PSMD14: variants seen among roughly 807,000 people sequenced by gnomAD.
PSMD14 encodes the protein proteasome 26S subunit, non-ATPase 14, also known as ubiquitin C-terminal hydrolase PSMD14.
In PSMD14, 7 loss-of-function variants were observed where a neutral mutation model predicts 41.2. That is an observed-to-expected ratio of 0.17 (90% CI 0.10 to 0.32). PSMD14 has a LOEUF of 0.32. Among genes scored for constraint, PSMD14 ranks in the 10% least tolerant of loss-of-function variants. The pLI, the probability that PSMD14 is intolerant of heterozygous loss-of-function variation, is 1.00. For missense variants in PSMD14, 139 were observed against 375.6 expected, an observed-to-expected ratio of 0.37 and a Z score of 5.21; for synonymous variants, 114 against 122.3, an observed-to-expected ratio of 0.93 and a Z score of 0.45.
chr2:161,405,498 G>A (rs951535652), intron 10 of PSMD14, among the ~76,000 whole-genome samples: 3 of 152,146 alleles, frequency 2.0e-5, no homozygotes, highest in Admixed American at 6.6e-5. Flanking sequence ...CATATGAAGT[G>A]TAGATTAACT....
At chr2:161,315,951 C>T (rs1689143361) in intron 1 of PSMD14, among the ~76,000 whole-genome samples, 1 of 151,220 alleles carries the variant, frequency 6.6e-6, no homozygotes, top group South Asian at 2.1e-4. Flanking sequence ...AAGCGATTCT[C>T]CTGCCTCAGC....
intron 3 of PSMD14, among the ~76,000 whole-genome samples, chr2:161,359,085 T>G (rs1042419416): frequency 5.9e-5 from 9 of 152,036 alleles, no homozygotes; most frequent in African/African-American, 2.2e-4. Flanking sequence ...CCTTCCACCT[T>G]AACCTTCTGA....
Position 161,335,818 on chromosome 2 carries a change from A to G in PSMD14, c.48+16945A>G, listed in dbSNP as rs577480102. ...GGATTTGGCTTTGAATTTAGGCTTT[A>G]CTACTTAGTCACTTTTTAGACATTG... On this transcript the variant is annotated intron_variant, in intron 3 of 11. Coordinates refer to ENST00000409682, the MANE Select transcript of PSMD14 (RefSeq NM_005805.6). Among the ~76,000 whole-genome samples the G allele has an allele frequency of 2.0e-5, 3 of 152,330 alleles. No homozygotes were observed. The South Asian group carries it at 6.2e-4, about 32-fold the overall frequency.
intron 11 of PSMD14, among the ~76,000 whole-genome samples, chr2:161,410,553 T>A (rs1684010284): frequency 3.9e-5 from 6 of 152,078 alleles, no homozygotes. Flanking sequence ...GCATTTTAAT[T>A]TAAATTAGTT....
At chr2:161,351,618 A>G (rs536401719) in intron 3 of PSMD14, among the ~76,000 whole-genome samples, 34 of 152,292 alleles carry the variant, frequency 2.2e-4, no homozygotes, top group Admixed American at 1.4e-3. Context: ...GAAGTCTTCT[A>G]TGGTGTGCTA....
chr2:161,352,120 A>G (rs1399472304), intron 3 of PSMD14, among the ~76,000 whole-genome samples: 18 of 152,230 alleles, frequency 1.2e-4, no homozygotes. Flanking sequence ...TTCCTAGACA[A>G]CTGGCTGGAC....
intron 3 of PSMD14, among the ~76,000 whole-genome samples, chr2:161,347,518 A>G (rs897601087): frequency 2.0e-5 from 3 of 152,210 alleles, no homozygotes; most frequent in African/African-American, 7.2e-5. Flanking sequence ...GTTAGATCAT[A>G]TTAAGATAGT....
intron 10 of PSMD14, among the ~76,000 whole-genome samples, chr2:161,396,720 A>G (rs971128167): frequency 6.6e-6 from 1 of 152,202 alleles, no homozygotes; most frequent in African/African-American, 2.4e-5. Flanking sequence ...TAGCATGCAT[A>G]GAACGTGAGG....
At chr2:161,375,970 G>T (rs1683497617) in intron 7 of PSMD14, among the ~76,000 whole-genome samples, 1 of 151,344 alleles carries the variant, frequency 6.6e-6, no homozygotes, top group Non-Finnish European at 1.5e-5. Context: ...TTCAGGGGTG[G>T]GTAGCAAATA....
intron 3 of PSMD14, among the ~76,000 whole-genome samples, chr2:161,348,170 C>G (rs138399912): frequency 1.3e-5 from 2 of 152,290 alleles, no homozygotes; most frequent in Non-Finnish European, 2.9e-5. Context: ...AAATCTTCTC[C>G]TAATTACATT....
chr2:161,392,798 T>C (rs1049018624), intron 9 of PSMD14, among the ~76,000 whole-genome samples: 4 of 152,158 alleles, frequency 2.6e-5, no homozygotes, highest in Admixed American at 2.0e-4. Flanking sequence ...TAAGTTTACA[T>C]GGAATGAGTA....
intron 3 of PSMD14, among the ~76,000 whole-genome samples, chr2:161,323,748 A>C (rs1322182400): frequency 6.6e-6 from 1 of 152,240 alleles, no homozygotes; most frequent in Non-Finnish European, 1.5e-5. Context: ...TTAACTTACC[A>C]GTAGTTTGAA....
At chr2:161,360,005 A>G (rs1683267336) in intron 3 of PSMD14, among the ~76,000 whole-genome samples, 1 of 152,192 alleles carries the variant, frequency 6.6e-6, no homozygotes, top group Admixed American at 6.5e-5. Flanking sequence ...TTATTTGTGT[A>G]GTATGGGATT....
At chr2:161,359,997 A>G (rs923394734) in intron 3 of PSMD14, among the ~76,000 whole-genome samples, 1 of 152,172 alleles carries the variant, frequency 6.6e-6, no homozygotes, top group Admixed American at 6.5e-5. Context: ...CTTAAGTATT[A>G]TTTGTGTAGT....
At chr2:161,392,888 C>T (rs886979921) in intron 9 of PSMD14, among the ~76,000 whole-genome samples, 3 of 152,206 alleles carry the variant, frequency 2.0e-5, no homozygotes, top group East Asian at 1.9e-4. Flanking sequence ...TGATATCTGA[C>T]ACCCATCTAT....
At chr2:161,400,785 A>G (rs1426920272) in intron 10 of PSMD14, among the ~76,000 whole-genome samples, 4 of 152,164 alleles carry the variant, frequency 2.6e-5, no homozygotes, top group South Asian at 4.1e-4. Context: ...GGCTCCAGCA[A>G]TCTGCCTGCC....
chr2:161,397,505 A>G (rs1683817246), intron 10 of PSMD14, among the ~76,000 whole-genome samples: 1 of 152,188 alleles, frequency 6.6e-6, no homozygotes, highest in Non-Finnish European at 1.5e-5. Context: ...ATTTTTAAGG[A>G]AGCAATTAGA....
At chr2:161,375,726 A>T (rs560483677) in intron 7 of PSMD14, among the ~76,000 whole-genome samples, 1 of 152,062 alleles carries the variant, frequency 6.6e-6, no homozygotes, top group South Asian at 2.1e-4. Context: ...AAATACAAAT[A>T]CAGGAAGAAA....
intron 7 of PSMD14, among the ~76,000 whole-genome samples, chr2:161,371,922 G>A (rs1056180450): frequency 6.6e-6 from 1 of 150,568 alleles, no homozygotes; most frequent in Non-Finnish European, 1.5e-5. Flanking sequence ...AACCCCTTTT[G>A]TTCTTGTTTA....
Sources: gnomAD v4.1 joint callset for allele counts (sites outside exome capture counted in the v4.1 genomes callset) on GRCh38, gnomAD v4.1.1 for gene constraint, MANE v1.5 for transcripts, NCBI Gene and HGNC (gene_info 2026-07-23, HGNC 2026-07-21) for gene names.